Variants in PLEKHH1 observed in about 807,000 individuals in gnomAD.
The protein encoded by PLEKHH1 is pleckstrin homology, MyTH4 and FERM domain containing H1, also known as pleckstrin homology domain-containing family H member 1.
In PLEKHH1, 104 loss-of-function variants were observed where a neutral mutation model predicts 160.0. The observed-to-expected ratio is 0.65, with a 90% CI of 0.55 to 0.76. The LOEUF is 0.76. PLEKHH1 is among the 30% of genes least tolerant of loss of function. The pLI is 0.00. For synonymous variants in PLEKHH1, 619 were observed against 678.4 expected, an observed-to-expected ratio of 0.91 and a Z score of 1.36; for missense variants, 1,427 against 1,724.1, an observed-to-expected ratio of 0.83 and a Z score of 3.05.
Position 67,589,588 on chromosome 14 carries a change from A to G in PLEKHH1, c.*2353A>G. 1.0e-6 allele frequency: 1 copy of G among 985,824 alleles called. No individual in the cohort carries two copies. The highest frequency in any genetic ancestry group is 5.2e-4 in the Middle Eastern group (1 of 1,920). 61.1% of individuals were successfully genotyped at this position (985,824 alleles called of 1,614,324 possible). On this transcript the variant is annotated 3_prime_UTR_variant, in exon 29 of 29. Transcript: ENST00000329153. ...TTAACAGTAAATAAATAAGCCCTGT[A>G]CAGAACACAGGCACTAGGTTGACAG...
chr14:67,539,386 A>G (rs2033874379), intron 1 of PLEKHH1, among the ~76,000 whole-genome samples: 1 of 152,118 alleles, frequency 6.6e-6, no homozygotes, highest in Admixed American at 6.6e-5. Flanking sequence ...GGGCTGGGAG[A>G]GCAGCGCTGA....
chr14:67,581,737 G>A (rs958052408), intron 23 of PLEKHH1: 2 of 242,080 alleles, frequency 8.3e-6, no homozygotes, highest in East Asian at 1.9e-4. Flanking sequence ...ATGTCTCCAG[G>A]CAAATAGTTT....
intron 2 of PLEKHH1, among the ~76,000 whole-genome samples, chr14:67,545,909 A>C (rs554252965): frequency 8.0e-4 from 122 of 152,306 alleles, no homozygotes; most frequent in African/African-American, 2.7e-3. Flanking sequence ...ATTTGGGAAT[A>C]AGCATCTGAT....
Position 67,569,918 on chromosome 14 carries a change from C to CA in PLEKHH1, c.1343-2dup. ...TAATCTCATTCCTCTCTTCCCTGCT[C>CA]AGCTTCAAGCCCTCCTGCCCTTGTT... On this transcript the variant is annotated splice_region_variant and splice_polypyrimidine_tract_variant and intron_variant, in intron 8 of 28. Coordinates refer to ENST00000329153, the MANE Select transcript of PLEKHH1 (RefSeq NM_020715.3). 6.3e-7 allele frequency: 1 copy of CA among 1,596,818 alleles called. No individual in the cohort carries two copies. The highest frequency in any genetic ancestry group is 8.6e-7 in the Non-Finnish European group (1 of 1,167,146).
At position 67,562,868 on chromosome 14, in the gene PLEKHH1, C is replaced by G; in HGVS notation, c.1237C>G (p.Pro413Ala). ...EVELGNKPPT[P>A]PLHQFSSWES... ...GGAGCTGGGTAACAAGCCACCTACA[C>G]CCCCGCTGCACCAGTTTTCATCCTG... The change falls in exon 7 of 29, where the codon CCC becomes GCC. Residue 413 changes from proline to alanine, a missense_variant. This residue lies in a region of PLEKHH1 where 831 missense variants were observed against 929.2 expected (regional missense o/e 0.89). Coordinates refer to ENST00000329153, the MANE Select transcript of PLEKHH1 (RefSeq NM_020715.3). 5.0e-6 allele frequency: 8 copies of G among 1,613,038 alleles called. No homozygotes were observed. The highest frequency in any genetic ancestry group is 1.1e-5 in the South Asian group (1 of 91,016).
chr14:67,550,771 A>T (rs7141506), intron 2 of PLEKHH1, among the ~76,000 whole-genome samples: 77,423 of 152,078 alleles, frequency 0.51, 20,299 homozygotes, highest in Non-Finnish European at 0.58. Flanking sequence ...TGTGAGAGGC[A>T]GTGTAGTATA....
At chr14:67,583,320 G>A (rs2035990248) in intron 24 of PLEKHH1, among the ~76,000 whole-genome samples, 1 of 152,052 alleles carries the variant, frequency 6.6e-6, no homozygotes, top group Non-Finnish European at 1.5e-5. Flanking sequence ...ACTTGATCAG[G>A]GACACAAAGC....
chr14:67,550,480 C>A (rs998801747), intron 2 of PLEKHH1, among the ~76,000 whole-genome samples: 22 of 152,168 alleles, frequency 1.4e-4, no homozygotes, highest in African/African-American at 4.6e-4. Flanking sequence ...TGCACCACCG[C>A]GCCCAGCCAA....
chr14:67,579,927 G>A (rs558484048), intron 22 of PLEKHH1, 51 bp downstream of exon 22: 20 of 1,521,878 alleles, frequency 1.3e-5, no homozygotes, highest in Non-Finnish European at 1.8e-5. Context: ...CAGGGATATT[G>A]GTGGTGGGGA....
chr14:67,538,065 G>A (rs2033811620), intron 1 of PLEKHH1, among the ~76,000 whole-genome samples: 1 of 152,128 alleles, frequency 6.6e-6, no homozygotes, highest in African/African-American at 2.4e-5. Context: ...GGGACTTATT[G>A]TACTATTCTC....
At chr14:67,585,418 C>A in intron 26 of PLEKHH1, 150 bp from the exon 27 acceptor site, 1 of 631,752 alleles carries the variant, frequency 1.6e-6, no homozygotes, top group South Asian at 1.9e-5. Flanking sequence ...CCTGCATACA[C>A]TGTACAAATA....
chr14:67,583,819 C>T lies in PLEKHH1; in HGVS notation c.3505C>T (p.Gln1169Ter), dbSNP rs755618005. Residue 1169 changes from glutamine to a stop codon, truncating the protein, a stop_gained, in exon 25 of 29, where the codon CAG (glutamine) becomes TAG (stop). Transcript: ENST00000329153. LOFTEE classifies it high-confidence loss of function. ...CCCTGCCAAGGCTCAGCATCTTCTC[C>T]AGCAGGTCCTAGACAGGTTCCACCC... Reference protein sequence around the residue: ...TSPAKAQHLLQQVLDRFHPRR... With the variant: ...TSPAKAQHLL 2.5e-6 allele frequency: 4 copies of T among 1,612,986 alleles called. No homozygotes were observed. The African/African-American group carries it at 5.3e-5, about 22-fold the overall frequency.
chr14:67,542,888 C>T (rs1034138432), intron 2 of PLEKHH1, among the ~76,000 whole-genome samples: 1 of 151,984 alleles, frequency 6.6e-6, no homozygotes, highest in Admixed American at 6.6e-5. Flanking sequence ...TTAGTAGAGA[C>T]GTGGTTTCTC....
rs768595126 is a variant in PLEKHH1, at chr14:67,576,494, G to A, written c.2452G>A (p.Gly818Arg). The stretch of plus-strand genomic sequence containing the variant: ...CATTGGAAAACTGATGGATGGTGAA[G>A]GAGATCCAGGTAAGGCAAGGGTGGC... ...QLIGKLMDGE[G>R]DPDSPLWRHP... is the part of the protein sequence containing the mutation. The change falls in exon 17 of 29, where the codon GGA (glycine) becomes AGA (arginine). Residue 818 changes from glycine to arginine, a missense_variant. Gly to Arg is a moderately radical substitution (Grantham distance 125). Coordinates refer to ENST00000329153, the MANE Select transcript of PLEKHH1 (RefSeq NM_020715.3). This position sits in a 1 kb window ranked among gnomAD's most constrained non-coding sequence, Gnocchi z 4.0. 1 of 1,563,684 alleles carries A rather than the reference G, an allele frequency of 6.4e-7. No individual in the cohort carries two copies. The highest frequency in any genetic ancestry group is 1.1e-5 in the South Asian group (1 of 90,024).
At chr14:67,542,058 TGA>T (rs1594742672) in intron 2 of PLEKHH1, 65 bp downstream of exon 2, 7 of 1,426,028 alleles carry the variant, frequency 4.9e-6, no homozygotes, top group Middle Eastern at 4.2e-4. Flanking sequence ...GAGGGCCGTG[TGA>T]GAGAGGGAGA....
At chr14:67,569,808 TCTGTCACTGG>T (rs1470798835) in intron 8 of PLEKHH1, 103 bp from the exon 9 acceptor site, 21 of 713,322 alleles carry the variant, frequency 2.9e-5, no homozygotes, top group Non-Finnish European at 5.3e-5. Flanking sequence ...CCTCTTGAGA[TCTGTCACTGG>T]CCTGCTCCTG....
chr14:67,578,063 C>G lies in PLEKHH1; in HGVS notation c.2615C>G (p.Ser872Trp). 1 of 1,613,916 alleles carries G rather than the reference C, an allele frequency of 6.2e-7. No homozygotes were observed. Among genetic ancestry groups the G allele is most frequent in the Non-Finnish European group, 8.5e-7 (1 of 1,179,850 alleles). The change falls in exon 19 of 29, where the codon TCG becomes TGG. Residue 872 changes from serine (S) to tryptophan (W), a missense_variant. Around this residue, in one of 6 missense-constraint regions of PLEKHH1, gnomAD observed 436 missense variants for 607.5 expected, o/e 0.72. Coordinates refer to ENST00000329153, the MANE Select transcript of PLEKHH1 (RefSeq NM_020715.3). The surrounding 1 kb of genome is among the most constrained non-coding windows in gnomAD (Gnocchi z 5.0). ...LFINVPVEAA[S>W]VDYHVSLAQT... Reference sequence around the variant, plus strand: ...ATCAACGTGCCGGTGGAAGCTGCCTCGGTGGACTACCATGTGTCCCTGGCC... The same window carrying G: ...ATCAACGTGCCGGTGGAAGCTGCCTGGGTGGACTACCATGTGTCCCTGGCC...
At position 67,572,261 on chromosome 14, in the gene PLEKHH1, G is replaced by A. The variant is rs200559560; in HGVS notation, c.1712G>A (p.Gly571Glu). 1 of 1,602,032 alleles carries A rather than the reference G, an allele frequency of 6.2e-7. No individual in the cohort carries two copies. The highest frequency in any genetic ancestry group is 2.2e-5 in the East Asian group (1 of 44,476). The change falls in exon 11 of 29, where the codon GGG (glycine) becomes GAG (glutamate). Residue 571 changes from glycine to glutamate, a missense_variant. Coordinates refer to ENST00000329153, the MANE Select transcript of PLEKHH1 (RefSeq NM_020715.3). ...LQRTSSYSTD[G>E]LGLGGESLEK... is the part of the protein sequence containing the mutation. Reference sequence around the variant, plus strand: ...CGCACCTCATCCTACTCCACCGACGGGCTGGGCCTGGGCGGGGTGAGCCGG... The same window carrying A: ...CGCACCTCATCCTACTCCACCGACGAGCTGGGCCTGGGCGGGGTGAGCCGG...
At chr14:67,539,986 T>C (rs1188451557) in intron 1 of PLEKHH1, among the ~76,000 whole-genome samples, 2 of 152,204 alleles carry the variant, frequency 1.3e-5, no homozygotes, top group African/African-American at 4.8e-5. Context: ...GATTGGTGAT[T>C]AGCCCATCAA....
Sources: allele counts gnomAD v4.1 joint callset (sites outside exome capture counted in the v4.1 genomes callset), GRCh38; gene constraint gnomAD v4.1.1; regional missense constraint gnomAD v4.1.1; non-coding constraint Gnocchi (gnomAD v3.1); transcripts MANE v1.5; gene names NCBI Gene and HGNC (gene_info 2026-07-23, HGNC 2026-07-21).